TGFBR3: variants seen among roughly 807,000 people sequenced by gnomAD.
TGFBR3 encodes the protein transforming growth factor beta receptor 3.
A neutral mutation model predicts 87.9 loss-of-function variants in TGFBR3; 46 were observed. The observed-to-expected ratio is 0.52, with a 90% CI of 0.41 to 0.67. TGFBR3 has a LOEUF of 0.67. Among genes scored for constraint, TGFBR3 ranks in the 30% least tolerant of loss-of-function variants. TGFBR3 has a pLI of 0.00. For missense variants in TGFBR3, 866 were observed against 1,041.9 expected (o/e 0.83, Z 2.32); for synonymous variants, 381 against 391.6 (o/e 0.97, Z 0.32).
chr1:91,724,231 GA>G (rs780904440), intron 7 of TGFBR3, among the ~76,000 whole-genome samples: 4 of 152,132 alleles, frequency 2.6e-5, no homozygotes, highest in Non-Finnish European at 5.9e-5. Flanking sequence ...AGGGAGGAAA[GA>G]AACAAAGAGG....
In TGFBR3 at chr1:91,853,707, C is replaced by T. The variant is rs778353670; in HGVS notation, c.61+7764G>A. Among the ~76,000 whole-genome samples the T allele has an allele frequency of 2.4e-4, 36 of 152,174 alleles. No individual in the cohort carries two copies. The Middle Eastern group carries it at 0.01, about 43-fold the overall frequency. On this transcript the variant is annotated intron_variant, in intron 2 of 16. Coordinates refer to ENST00000212355, the MANE Select transcript of TGFBR3 (RefSeq NM_003243.5). ...TATCATATATGATCAAACTTATATGCGGAATCTTAAAAAGCCAAACTCATG... is the reference window on the plus strand; with the variant it reads ...TATCATATATGATCAAACTTATATGTGGAATCTTAAAAAGCCAAACTCATG...
In TGFBR3 at chr1:91,729,947, T is replaced by A; in HGVS notation, c.595A>T (p.Ile199Leu). ...EDQVFPPKCNIGKNFLSLNYL... is the reference protein window; with the variant it reads ...EDQVFPPKCNLGKNFLSLNYL... ...TTGAGTGAGAGAAAATTCTTCCCTA[T>A]GTTGCACTTTGGAGGGAACACTTGA... The change falls in exon 6 of 17, where the codon ATA (isoleucine) becomes TTA (leucine). Residue 199 changes from isoleucine to leucine, a missense_variant. Physicochemically the swap from Ile to Leu is conservative, Grantham distance 5. Transcript: ENST00000212355. The A allele has an allele frequency of 3.1e-6, 5 of 1,614,170 alleles. No individual in the cohort carries two copies. Among genetic ancestry groups the A allele is most frequent in the Non-Finnish European group, 4.2e-6 (5 of 1,180,028 alleles).
At chr1:91,735,929 C>T (rs1672952956) in intron 4 of TGFBR3, among the ~76,000 whole-genome samples, 1 of 152,254 alleles carries the variant, frequency 6.6e-6, no homozygotes, top group East Asian at 1.9e-4. Flanking sequence ...TTAAATTTCA[C>T]ATGAACCATT....
chr1:91,734,988 A>G (rs991758596), intron 4 of TGFBR3, 29 bp from the exon 5 acceptor site: 20 of 1,612,986 alleles, frequency 1.2e-5, no homozygotes, highest in Non-Finnish European at 1.4e-5. Context: ...CGTATTTAAC[A>G]TGGTGCAGTC....
chr1:91,744,751 T>C (rs1251568297), intron 4 of TGFBR3, among the ~76,000 whole-genome samples: 1 of 152,200 alleles, frequency 6.6e-6, no homozygotes, highest in Non-Finnish European at 1.5e-5. Flanking sequence ...AGGCCATAGA[T>C]ATGAATATTA....
Position 91,712,542 on chromosome 1 carries a change from C to T in TGFBR3, c.1867G>A (p.Val623Ile). 1 of 1,614,004 alleles carries T rather than the reference C, an allele frequency of 6.2e-7. No homozygotes were observed. The highest frequency in any genetic ancestry group is 8.5e-7 in the Non-Finnish European group (1 of 1,179,964). The change falls in exon 13 of 17, where the codon GTA (valine) becomes ATA (isoleucine). Residue 623 changes from valine to isoleucine, a missense_variant and splice_region_variant. Transcript: ENST00000212355. ...VPENGHVYVE[V>I]SVTKAEQELG... Reference sequence around the variant, plus strand: ...TCTTGTTCAGCCTTAGTAACAGATACCTATGAAAGAACAGAAAGATGAATT... The same window carrying T: ...TCTTGTTCAGCCTTAGTAACAGATATCTATGAAAGAACAGAAAGATGAATT...
rs1671466883 is a variant in TGFBR3 at position 91,697,334 on chromosome 1, A to T, written c.2329+755T>A. ...GTGCTTTGTGAAAGGAACTTTCCAG[A>T]CTGATTGTTAAATGTAGTGAATCAG... On this transcript the variant is annotated intron_variant, in intron 15 of 16. Coordinates refer to ENST00000212355, the MANE Select transcript of TGFBR3 (RefSeq NM_003243.5). Among the ~76,000 whole-genome samples the T allele has an allele frequency of 1.3e-5, 2 of 152,202 alleles. 1 individual carries two copies. Among genetic ancestry groups the T allele is most frequent in the South Asian group, 4.1e-4 (2 of 4,822 alleles).
chr1:91,683,928 A>G, intron 16 of TGFBR3, 71 bp from the exon 17 acceptor site: 1 of 1,393,082 alleles, frequency 7.2e-7, no homozygotes, highest in Non-Finnish European at 9.9e-7. Flanking sequence ...TGAAAAGATC[A>G]TTTATTCCGC....
Position 91,691,555 on chromosome 1 carries a change from A to G in TGFBR3, c.2437+4117T>C, listed in dbSNP as rs182019590. Among the ~76,000 whole-genome samples the G allele has an allele frequency of 2.8e-3, 424 of 152,352 alleles. 4 individuals are homozygous for G. The highest frequency in any genetic ancestry group is 0.024 in the Admixed American group (361 of 15,300). Reference sequence around the variant, plus strand: ...TACCAGGTGTTTCTGTTAAATGAGGATATTTTCAGACATGCAAGGTGTGAA... The same window carrying G: ...TACCAGGTGTTTCTGTTAAATGAGGGTATTTTCAGACATGCAAGGTGTGAA... On this transcript the variant is annotated intron_variant, in intron 16 of 16. Transcript: ENST00000212355.
rs528902665 is a variant in TGFBR3 at position 91,821,130 on chromosome 1, G to C, written c.62-23659C>G. Among the ~76,000 whole-genome samples, 576 of 152,134 alleles carry C rather than the reference G, an allele frequency of 3.8e-3. 3 individuals carry two copies. The highest frequency in any genetic ancestry group is 6.1e-3 in the Non-Finnish European group (413 of 67,978). ...AGATCACCCAAGGTCAGGGGTTCGA[G>C]AGCAACCTGGCCAACATGGTGAAAC... On this transcript the variant is annotated intron_variant, in intron 2 of 16. Transcript: ENST00000212355.
At chr1:91,800,328 A>ATGTGTGTGTGTGTG (rs386417805) in intron 2 of TGFBR3, among the ~76,000 whole-genome samples, 5 of 122,578 alleles carry the variant, frequency 4.1e-5, no homozygotes, top group African/African-American at 1.6e-4. Context: ...ATATATGTGT[A>ATGTGTGTGTGTGTG]TATGTGTGTG....
chr1:91,811,673 T>C (rs1676035212), intron 2 of TGFBR3, among the ~76,000 whole-genome samples: 1 of 152,140 alleles, frequency 6.6e-6, no homozygotes, highest in Admixed American at 6.5e-5. Flanking sequence ...GTATTTAACC[T>C]AAAAATAAGA....
intron 4 of TGFBR3, among the ~76,000 whole-genome samples, chr1:91,751,098 G>A (rs1474389221): frequency 6.6e-6 from 1 of 152,234 alleles, no homozygotes; most frequent in East Asian, 1.9e-4. Context: ...CTGTGTGTTG[G>A]ATGAATGAAC....
chr1:91,818,277 CCTTTTTTTTTTTTTTT>C lies in TGFBR3; in HGVS notation c.62-20822_62-20807del, dbSNP rs1471341894. 6.0e-3 allele frequency among the ~76,000 whole-genome samples: 733 copies of C among 123,118 alleles called. 77 individuals carry two copies. The highest frequency in any genetic ancestry group is 0.01 in the African/African-American group (346 of 34,046). 80.8% of individuals were successfully genotyped at this position (123,118 alleles called of 152,430 possible). A position where few individuals can be genotyped will look rare whatever the true frequency, so the allele number is the denominator to read the frequency against. ...CTGCACCATTTCCCCTTAGCCCCAG[CCTTTTTTTTTTTTTTT>C]TTTTTTTTTTTTTTTTTTTTTTTTT... On this transcript the variant is annotated intron_variant, in intron 2 of 16. Transcript: ENST00000212355.
chr1:91,788,575 T>TTC lies in TGFBR3; in HGVS notation c.246+8711_246+8712insGA, dbSNP rs377190111. The stretch of plus-strand genomic sequence containing the variant: ...AATGCAATAAATACTTCTGCAGAGT[T>TTC]TAAGTATTTAAATCAGCGATTAGCA... On this transcript the variant is annotated intron_variant, in intron 3 of 16. Coordinates refer to ENST00000212355, the MANE Select transcript of TGFBR3 (RefSeq NM_003243.5). 1.7e-3 allele frequency among the ~76,000 whole-genome samples: 252 copies of TTC among 152,310 alleles called. 2 individuals are homozygous for TTC. The highest frequency in any genetic ancestry group is 5.8e-3 in the African/African-American group (241 of 41,570).
chr1:91,863,584 AT>A (rs1678276857), intron 1 of TGFBR3, among the ~76,000 whole-genome samples: 1 of 152,228 alleles, frequency 6.6e-6, no homozygotes, highest in African/African-American at 2.4e-5. Context: ...ATTTATACCA[AT>A]AAAGTGGAGA....
At chr1:91,711,032 G>C (rs1264758746) in intron 13 of TGFBR3, among the ~76,000 whole-genome samples, 2 of 152,114 alleles carry the variant, frequency 1.3e-5, no homozygotes, top group East Asian at 3.9e-4. Context: ...GTAACTGCTA[G>C]GTCTCCCCTC....
chr1:91,785,338 G>C (rs943246563), intron 3 of TGFBR3, among the ~76,000 whole-genome samples: 14 of 152,328 alleles, frequency 9.2e-5, no homozygotes, highest in Admixed American at 1.3e-4. Context: ...GGCACACACA[G>C]GGAATGGGAG....
intron 2 of TGFBR3, among the ~76,000 whole-genome samples, chr1:91,843,802 G>A (rs970430510): frequency 6.6e-6 from 1 of 152,112 alleles, no homozygotes; most frequent in Non-Finnish European, 1.5e-5. Flanking sequence ...CCTTTCATAT[G>A]TCTCTGTCAA....
Sources: gnomAD v4.1 joint callset for allele counts (sites outside exome capture counted in the v4.1 genomes callset) on GRCh38, gnomAD v4.1.1 for gene constraint, MANE v1.5 for transcripts, NCBI Gene and HGNC (gene_info 2026-07-23, HGNC 2026-07-21) for gene names.